Variants in CHSY3 observed in about 807,000 individuals in gnomAD.
The protein encoded by CHSY3 is chondroitin sulfate synthase 3, also known as N-acetylgalactosaminyl-proteoglycan 3-beta-glucuronosyltransferase 3.
CHSY3 carries 35 observed loss-of-function variants against 67.2 expected under a neutral mutation model. The observed-to-expected ratio is 0.52, with a 90% confidence interval of 0.40 to 0.69. The LOEUF is 0.69. Ranked by LOEUF, CHSY3 falls within the 30% of genes least tolerant of loss-of-function variation. CHSY3 has a pLI of 0.00. For synonymous variants in CHSY3, 474 were observed against 434.7 expected (o/e 1.09, Z -1.12); for missense variants, 1,069 against 1,138.5 (o/e 0.94, Z 0.88).
intron 2 of CHSY3, among the ~76,000 whole-genome samples, chr5:129,972,509 CT>C (rs971676958): frequency 4.0e-5 from 6 of 151,740 alleles, no homozygotes; most frequent in Admixed American, 6.6e-5. Context: ...TGTTAATAGC[CT>C]TTTTTTTCCC....
chr5:130,142,070 C>CT, intron 2 of CHSY3: 1 of 165,400 alleles, frequency 6.0e-6, no homozygotes, highest in South Asian at 1.7e-4. Context: ...ACTGGCCAAT[C>CT]TCAATACTCG....
At chr5:129,929,083 T>C (rs78566821) in intron 2 of CHSY3, among the ~76,000 whole-genome samples, 2,162 of 152,274 alleles carry the variant, frequency 0.014, 53 homozygotes, top group African/African-American at 0.049. Context: ...AATGTCAGAT[T>C]GGAATAGACA....
At chr5:130,016,416 A>T (rs1039242322) in intron 2 of CHSY3, among the ~76,000 whole-genome samples, 3 of 149,316 alleles carry the variant, frequency 2.0e-5, no homozygotes, top group Non-Finnish European at 2.9e-5. Context: ...ATTTTATTTT[A>T]TTATTATTTT....
At chr5:130,087,758 G>T (rs565914564) in intron 2 of CHSY3, among the ~76,000 whole-genome samples, 56 of 152,000 alleles carry the variant, frequency 3.7e-4, no homozygotes, top group African/African-American at 1.3e-3. Context: ...CTCATGGGTA[G>T]GAAAAATCAA....
At chr5:130,045,312 A>G (rs530817592) in intron 2 of CHSY3, among the ~76,000 whole-genome samples, 1 of 152,272 alleles carries the variant, frequency 6.6e-6, no homozygotes, top group South Asian at 2.1e-4. Context: ...TGCTCAGGGT[A>G]CATTCACACT....
At position 130,157,216 on chromosome 5, in the gene CHSY3, T is replaced by A. The variant is rs376208966; in HGVS notation, c.1087-27013T>A. Among the ~76,000 whole-genome samples the A allele has an allele frequency of 2.1e-3, 322 of 152,312 alleles. 6 individuals are homozygous for A. In the South Asian group the frequency reaches 0.035, roughly 17 times the overall value. On this transcript the variant is annotated intron_variant, in intron 2 of 2. Transcript: ENST00000305031. ...TGAAGATTAATAGAATAAATGTTAG[T>A]TAAGGGAATAATGATCTACTGTATT...
chr5:129,918,957 A>AC (rs1760824185), intron 2 of CHSY3, among the ~76,000 whole-genome samples: 2 of 148,710 alleles, frequency 1.3e-5, no homozygotes, highest in Admixed American at 1.3e-4. Context: ...AATACAAAAA[A>AC]TTAGCCGGGC....
intron 2 of CHSY3, among the ~76,000 whole-genome samples, chr5:129,915,870 T>C (rs1760715418): frequency 1.3e-5 from 2 of 152,178 alleles, no homozygotes; most frequent in African/African-American, 4.8e-5. Context: ...CTTCTTTCGA[T>C]ACTGAGACCT....
In CHSY3 at chr5:130,124,457, C is replaced by CTT. The variant is rs113386866; in HGVS notation, c.1087-59757_1087-59756dup. Reference sequence around the variant, plus strand: ...AAATACCAAAAACATACAGAGCGAACTTTTTTTTTTTTTTTTGAGACAGAG... The same window carrying CTT: ...AAATACCAAAAACATACAGAGCGAACTTTTTTTTTTTTTTTTTTGAGACAGAG... On this transcript the variant is annotated intron_variant, in intron 2 of 2. Coordinates refer to ENST00000305031, the MANE Select transcript of CHSY3 (RefSeq NM_175856.5). Among the ~76,000 whole-genome samples, 481 of 142,648 alleles carry CTT rather than the reference C, an allele frequency of 3.4e-3. 5 individuals carry two copies. The highest frequency in any genetic ancestry group is 0.011 in the African/African-American group (413 of 38,908). 93.6% of individuals were successfully genotyped at this position (142,648 alleles called of 152,430 possible).
In CHSY3 at chr5:130,170,842, C is replaced by G. The variant is rs80198478; in HGVS notation, c.1087-13387C>G. 2.1e-5 allele frequency among the ~76,000 whole-genome samples: 3 copies of G among 143,014 alleles called. No individual in the cohort carries two copies. The Admixed American group carries it at 2.1e-4, about 10-fold the overall frequency. The allele number at this position is 143,014 out of a possible 152,430, so 93.8% of individuals were successfully genotyped here. A position where few individuals can be genotyped will look rare whatever the true frequency, so the allele number is the denominator to read the frequency against. On this transcript the variant is annotated intron_variant, in intron 2 of 2. Coordinates refer to ENST00000305031, the MANE Select transcript of CHSY3 (RefSeq NM_175856.5). ...CAGTTTTAATCAAGTTTTTTTTTTTCTTGTTGAGTCGTTTGAGTAACTATT... is the reference window on the plus strand; with the variant it reads ...CAGTTTTAATCAAGTTTTTTTTTTTGTTGTTGAGTCGTTTGAGTAACTATT...
chr5:130,013,747 G>C (rs1338513005), intron 2 of CHSY3, among the ~76,000 whole-genome samples: 1 of 152,178 alleles, frequency 6.6e-6, no homozygotes, highest in Non-Finnish European at 1.5e-5. Flanking sequence ...GCAATGGGAG[G>C]GTTGCGATTA....
chr5:130,089,847 G>A (rs1318546711), intron 2 of CHSY3, among the ~76,000 whole-genome samples: 1 of 152,148 alleles, frequency 6.6e-6, no homozygotes. Flanking sequence ...TGATGACAAG[G>A]GAAATGGAAG....
chr5:130,141,702 G>T, intron 2 of CHSY3: 1 of 521,794 alleles, frequency 1.9e-6, no homozygotes. Flanking sequence ...TTCAAGGCAA[G>T]ATTAACGTTG....
At chr5:130,001,235 G>A (rs1211325432) in intron 2 of CHSY3, among the ~76,000 whole-genome samples, 1 of 152,098 alleles carries the variant, frequency 6.6e-6, no homozygotes, top group Non-Finnish European at 1.5e-5. Context: ...CCACCTCTCA[G>A]TGCTCAGGTT....
At chr5:130,079,087 A>G (rs570483173) in intron 2 of CHSY3, among the ~76,000 whole-genome samples, 12 of 152,284 alleles carry the variant, frequency 7.9e-5, no homozygotes, top group East Asian at 7.7e-4. Flanking sequence ...CTGCCTGCAT[A>G]TCAAGAGCTC....
intron 2 of CHSY3, among the ~76,000 whole-genome samples, chr5:129,916,321 A>G (rs567118828): frequency 1.3e-5 from 2 of 152,290 alleles, no homozygotes; most frequent in East Asian, 3.9e-4. Context: ...TATACCAACC[A>G]CAAATGGAGG....
chr5:129,930,509 G>T lies in CHSY3; in HGVS notation c.1086+22149G>T, dbSNP rs202144261. 4.2e-3 allele frequency among the ~76,000 whole-genome samples: 279 copies of T among 65,936 alleles called. 5 individuals are homozygous for T. Among genetic ancestry groups the T allele is most frequent in the African/African-American group, 9.9e-3 (104 of 10,530 alleles). The allele number at this position is 65,936 out of a possible 152,430, so 43.3% of individuals were successfully genotyped here. A position where few individuals can be genotyped will look rare whatever the true frequency, so the allele number is the denominator to read the frequency against. ...ATGTTTAAAAGGAGGCATCACTGGC[G>T]GGGGGGGGGTATGAAGTTTTGCCTG... is the stretch of plus-strand genomic sequence containing the variant. On this transcript the variant is annotated intron_variant, in intron 2 of 2. Coordinates refer to ENST00000305031, the MANE Select transcript of CHSY3 (RefSeq NM_175856.5).
chr5:130,163,523 C>T (rs553136868), intron 2 of CHSY3, among the ~76,000 whole-genome samples: 3 of 152,214 alleles, frequency 2.0e-5, no homozygotes, highest in Non-Finnish European at 4.4e-5. Flanking sequence ...CAAAGAGTTG[C>T]TCCCATTTCT....
At chr5:129,952,450 C>A (rs1354189733) in intron 2 of CHSY3, among the ~76,000 whole-genome samples, 1 of 152,080 alleles carries the variant, frequency 6.6e-6, no homozygotes, top group East Asian at 1.9e-4. Context: ...GAATTGTATT[C>A]ATTTTGCTTT....
Sources: gnomAD v4.1 joint callset for allele counts (sites outside exome capture counted in the v4.1 genomes callset) on GRCh38, gnomAD v4.1.1 for gene constraint, MANE v1.5 for transcripts, NCBI Gene and HGNC (gene_info 2026-07-23, HGNC 2026-07-21) for gene names.